Variants in PIK3C2G observed in about 807,000 individuals in gnomAD.
PIK3C2G encodes phosphatidylinositol 3-kinase C2 domain-containing subunit gamma.
In PIK3C2G, 168 loss-of-function variants were observed where a neutral mutation model predicts 181.1. That is an observed-to-expected ratio of 0.93 (90% CI 0.82 to 1.05). The LOEUF is 1.05. Among genes scored for constraint, PIK3C2G ranks in the 50% least tolerant of loss-of-function variants. The pLI is 0.00. For missense variants in PIK3C2G, 1,869 were observed against 1,732.8 expected (o/e 1.08, Z -1.40); for synonymous variants, 573 against 592.2 (o/e 0.97, Z 0.47).
chr12:18,276,311 T>C (rs543635612), intron 1 of PIK3C2G, among the ~76,000 whole-genome samples: 106 of 152,308 alleles, frequency 7.0e-4, no homozygotes, highest in African/African-American at 2.5e-3. Flanking sequence ...AAAGTTGTTA[T>C]GTGAAAATAG....
intron 29 of PIK3C2G, among the ~76,000 whole-genome samples, chr12:18,569,739 G>A (rs1312234143): frequency 6.6e-6 from 1 of 151,966 alleles, no homozygotes; most frequent in Non-Finnish European, 1.5e-5. Context: ...TTCTATACTT[G>A]GTCTTTTTAA....
At chr12:18,696,243 T>C in the PIK3C2G span, 5 of 1,587,460 alleles carry the variant, frequency 3.1e-6, no homozygotes, top group African/African-American at 5.5e-5. Flanking sequence ...ATGAACTTCC[T>C]GGTGTGAAAA....
chr12:18,524,319 A>G (rs1429458359), intron 24 of PIK3C2G, among the ~76,000 whole-genome samples: 1 of 152,200 alleles, frequency 6.6e-6, no homozygotes, highest in Non-Finnish European at 1.5e-5. Flanking sequence ...CTGTGTAATC[A>G]TAGCCCTTCT....
At chr12:18,314,337 G>A (rs1396770242) in intron 6 of PIK3C2G, among the ~76,000 whole-genome samples, 1 of 152,050 alleles carries the variant, frequency 6.6e-6, no homozygotes, top group African/African-American at 2.4e-5. Flanking sequence ...TGAGGCCCTG[G>A]GTGATAGTAT....
At chr12:18,338,657 GTGTATC>G in intron 9 of PIK3C2G, 109 bp downstream of exon 9, 5 of 703,856 alleles carry the variant, frequency 7.1e-6, no homozygotes, top group South Asian at 5.0e-5. Context: ...GTATGTTTGT[GTGTATC>G]TGTGTGTGTG....
intron 26 of PIK3C2G, among the ~76,000 whole-genome samples, chr12:18,558,787 A>G (rs1367208848): frequency 6.6e-6 from 1 of 152,202 alleles, no homozygotes; most frequent in Non-Finnish European, 1.5e-5. Flanking sequence ...CTGTAAAGCT[A>G]TTATCTACCC....
chr12:18,518,218 A>G (rs369433652), intron 24 of PIK3C2G, among the ~76,000 whole-genome samples: 11 of 152,236 alleles, frequency 7.2e-5, no homozygotes, highest in African/African-American at 2.6e-4. Flanking sequence ...TGCCTCTGCC[A>G]GGTTTTGGCA....
At chr12:18,647,737 T>C (rs537701033) in intron 32 of PIK3C2G, 139 bp from the exon 33 acceptor site, 21 of 405,134 alleles carry the variant, frequency 5.2e-5, no homozygotes, top group African/African-American at 4.1e-4. Context: ...AAGTTAGAAA[T>C]AAAAGAGTCT....
chr12:18,317,995 T>C (rs1483809219), intron 6 of PIK3C2G, among the ~76,000 whole-genome samples: 1 of 152,240 alleles, frequency 6.6e-6, no homozygotes, highest in Non-Finnish European at 1.5e-5. Flanking sequence ...CACTGTGTGC[T>C]ATTTTGGCCC....
intron 26 of PIK3C2G, among the ~76,000 whole-genome samples, chr12:18,558,773 A>G (rs1031921367): frequency 3.3e-5 from 5 of 152,210 alleles, no homozygotes; most frequent in African/African-American, 1.2e-4. Context: ...CATCCTATTT[A>G]AAACTGTAAA....
the PIK3C2G span, among the ~76,000 whole-genome samples, chr12:18,725,310 A>T: frequency 1.3e-5 from 2 of 152,124 alleles, no homozygotes; most frequent in African/African-American, 4.8e-5. Flanking sequence ...AGCAATAAGA[A>T]AGAAGGTGCA....
At chr12:18,693,907 T>G in the PIK3C2G span, 2 of 1,528,346 alleles carry the variant, frequency 1.3e-6, no homozygotes, top group Non-Finnish European at 1.8e-6. Context: ...TGGCTGATGA[T>G]GTAACCCTGC....
intron 30 of PIK3C2G, chr12:18,607,157 G>T (rs200343958): frequency 1.9e-6 from 1 of 516,304 alleles, no homozygotes; most frequent in African/African-American, 1.9e-5. Flanking sequence ...ACTATTTTGC[G>T]TTTTAATTAA....
the PIK3C2G span, among the ~76,000 whole-genome samples, chr12:18,697,868 C>T: frequency 7.2e-6 from 1 of 139,036 alleles, no homozygotes; most frequent in Admixed American, 7.4e-5. Flanking sequence ...CCTTTGCAGA[C>T]ATCATTGATT....
chr12:18,458,825 G>C (rs1350582912), intron 18 of PIK3C2G, among the ~76,000 whole-genome samples: 5 of 150,234 alleles, frequency 3.3e-5, no homozygotes, highest in Non-Finnish European at 7.4e-5. Context: ...TCTAGTTGCT[G>C]AAAGTGGCCC....
At chr12:18,586,115 A>C (rs1337506537) in intron 29 of PIK3C2G, among the ~76,000 whole-genome samples, 1 of 152,200 alleles carries the variant, frequency 6.6e-6, no homozygotes, top group Admixed American at 6.6e-5. Flanking sequence ...TCAAATTAAC[A>C]ACCTAACATC....
downstream of PIK3C2G, among the ~76,000 whole-genome samples, chr12:18,650,321 C>CTATA (rs1271149401): frequency 1.9e-3 from 167 of 87,660 alleles, 1 homozygote; most frequent in Non-Finnish European, 2.2e-3. Flanking sequence ...CTCTCTCTCT[C>CTATA]TCTCTCTCTC....
intron 15 of PIK3C2G, among the ~76,000 whole-genome samples, chr12:18,396,477 T>C (rs931351342): frequency 2.6e-5 from 4 of 151,648 alleles, no homozygotes; most frequent in African/African-American, 9.7e-5. Flanking sequence ...GCTTCAAACA[T>C]TTCTTTAATG....
At chr12:18,440,883 T>G (rs1340808269) in intron 18 of PIK3C2G, among the ~76,000 whole-genome samples, 1 of 152,124 alleles carries the variant, frequency 6.6e-6, no homozygotes. Context: ...CTATTGAACA[T>G]TTTCATCTGG....
Sources: gnomAD v4.1 joint callset for allele counts (sites outside exome capture counted in the v4.1 genomes callset) on GRCh38, gnomAD v4.1.1 for gene constraint, MANE v1.5 for transcripts, NCBI Gene and HGNC (gene_info 2026-07-23, HGNC 2026-07-21) for gene names.